UNC5D: variants seen among roughly 807,000 people sequenced by gnomAD.
The protein encoded by UNC5D is unc-5 netrin receptor D.
In UNC5D, 39 loss-of-function variants were observed where a neutral mutation model predicts 105.4. The ratio of observed to expected loss-of-function variants is 0.37; its 90% CI spans 0.29 to 0.48. The LOEUF (loss-of-function observed/expected upper bound fraction) is 0.48. UNC5D is among the 20% of genes least tolerant of loss of function. UNC5D has a pLI of 0.98. For missense variants in UNC5D, 991 were observed against 1,202.4 expected, an observed-to-expected ratio of 0.82 and a Z score of 2.60; for synonymous variants, 452 against 450.4, an observed-to-expected ratio of 1.00 and a Z score of -0.04.
intron 2 of UNC5D, among the ~76,000 whole-genome samples, chr8:35,557,977 C>T (rs1816672237): frequency 6.6e-6 from 1 of 151,868 alleles, no homozygotes; most frequent in South Asian, 2.1e-4. Flanking sequence ...ACCAAATATA[C>T]AAAAAGTAGC....
chr8:35,558,070 G>A (rs1462143482), intron 2 of UNC5D, among the ~76,000 whole-genome samples: 2 of 146,544 alleles, frequency 1.4e-5, no homozygotes, highest in East Asian at 2.1e-4. Context: ...AGGTTGCAGT[G>A]AGCCAAGATC....
chr8:35,431,304 A>T (rs748633816), intron 1 of UNC5D, among the ~76,000 whole-genome samples: 1 of 152,204 alleles, frequency 6.6e-6, no homozygotes, highest in Non-Finnish European at 1.5e-5. Flanking sequence ...ACTCATCTGA[A>T]CATCACCACC....
rs192298971 is a variant in UNC5D at position 35,240,370 on chromosome 8, A to C, written c.103+4483A>C. On this transcript the variant is annotated intron_variant, in intron 1 of 16. Coordinates refer to ENST00000404895, the MANE Select transcript of UNC5D (RefSeq NM_080872.4). ...AAATACATTTCTGCAACTTTGTTTG[A>C]ATATGAAATAATACTTACATGAAAT... Among the ~76,000 whole-genome samples, 4 of 152,338 alleles carry C rather than the reference A, an allele frequency of 2.6e-5. No homozygotes were observed. In the East Asian group the frequency reaches 7.7e-4, roughly 29 times the overall value.
At chr8:35,557,540 C>A (rs904543793) in intron 2 of UNC5D, among the ~76,000 whole-genome samples, 6 of 152,162 alleles carry the variant, frequency 3.9e-5, no homozygotes, top group African/African-American at 1.4e-4. Context: ...TAATTTACTA[C>A]TTTCAGTACT....
intron 1 of UNC5D, among the ~76,000 whole-genome samples, chr8:35,276,146 C>G (rs973960082): frequency 3.9e-5 from 6 of 152,050 alleles, no homozygotes; most frequent in African/African-American, 1.4e-4. Flanking sequence ...TTTTGAAATC[C>G]TCAGAATAAA....
chr8:35,579,245 C>T (rs950790168), intron 3 of UNC5D, among the ~76,000 whole-genome samples: 2 of 152,090 alleles, frequency 1.3e-5, no homozygotes, highest in African/African-American at 4.8e-5. Context: ...ATCCTTCCAC[C>T]AGCTAAGTAA....
chr8:35,513,828 G>C (rs1278188287), intron 1 of UNC5D, among the ~76,000 whole-genome samples: 1 of 152,154 alleles, frequency 6.6e-6, no homozygotes, highest in Non-Finnish European at 1.5e-5. Context: ...CCATTAAACA[G>C]GTTCTTTTAA....
At chr8:35,465,561 G>T (rs576784554) in intron 1 of UNC5D, among the ~76,000 whole-genome samples, 21 of 152,280 alleles carry the variant, frequency 1.4e-4, no homozygotes, top group Admixed American at 2.0e-4. Context: ...TTTCTTTTCA[G>T]TTGTATCCCT....
chr8:35,784,539 G>A lies in UNC5D; in HGVS notation c.2658-5820G>A, dbSNP rs755907368. Among the ~76,000 whole-genome samples, 26 of 152,156 alleles carry A rather than the reference G, an allele frequency of 1.7e-4. 1 individual carries two copies. Among genetic ancestry groups the A allele is most frequent in the Non-Finnish European group, 2.9e-4 (20 of 68,028 alleles). On this transcript the variant is annotated intron_variant, in intron 16 of 16. Transcript: ENST00000404895. ...AAAGGCGGCTGATTACTGGAGGCCAGGAGTTCGAGACCAGCCTGTGCAACA... is the reference window on the plus strand; with the variant it reads ...AAAGGCGGCTGATTACTGGAGGCCAAGAGTTCGAGACCAGCCTGTGCAACA...
chr8:35,726,645 A>G, intron 10 of UNC5D, 116 bp downstream of exon 10: 2 of 1,474,694 alleles, frequency 1.4e-6, no homozygotes, highest in Non-Finnish European at 1.8e-6. Context: ...CAGACCTGCA[A>G]ACACTGCGGC....
At chr8:35,701,734 T>G (rs73583049) in intron 7 of UNC5D, among the ~76,000 whole-genome samples, 7,606 of 151,948 alleles carry the variant, frequency 0.05, 380 homozygotes, top group Admixed American at 0.11. Context: ...TAAAAGACAA[T>G]TCCACATTTT....
intron 1 of UNC5D, among the ~76,000 whole-genome samples, chr8:35,502,925 T>C (rs996608302): frequency 5.9e-5 from 9 of 152,144 alleles, no homozygotes; most frequent in Non-Finnish European, 2.9e-5. Context: ...TCATTTTTCT[T>C]AATAGGCAAG....
intron 4 of UNC5D, among the ~76,000 whole-genome samples, chr8:35,607,496 T>C (rs952886389): frequency 2.0e-5 from 3 of 152,184 alleles, no homozygotes; most frequent in Non-Finnish European, 4.4e-5. Flanking sequence ...TTGGCTTGTA[T>C]ACTGATATGA....
At chr8:35,533,697 A>C (rs1258629876) in intron 1 of UNC5D, among the ~76,000 whole-genome samples, 1 of 152,142 alleles carries the variant, frequency 6.6e-6, no homozygotes, top group East Asian at 1.9e-4. Context: ...GCAATCAGCG[A>C]GATTCCGTGG....
intron 1 of UNC5D, among the ~76,000 whole-genome samples, chr8:35,411,548 G>A (rs554334546): frequency 6.6e-6 from 1 of 152,096 alleles, no homozygotes; most frequent in Admixed American, 6.6e-5. Context: ...AATTTTTCAT[G>A]AATTGAATGA....
chr8:35,305,526 C>T (rs188844932), intron 1 of UNC5D, among the ~76,000 whole-genome samples: 12 of 150,632 alleles, frequency 8.0e-5, no homozygotes, highest in African/African-American at 1.2e-4. Context: ...GACTTTTGGG[C>T]GAAATTCCTT....
chr8:35,381,578 T>C (rs1034920253), intron 1 of UNC5D, among the ~76,000 whole-genome samples: 1 of 152,226 alleles, frequency 6.6e-6, no homozygotes, highest in Non-Finnish European at 1.5e-5. Flanking sequence ...GAGTGAGTCA[T>C]TTAATTCAAG....
chr8:35,245,267 T>C (rs1774894483), intron 1 of UNC5D, among the ~76,000 whole-genome samples: 1 of 152,178 alleles, frequency 6.6e-6, no homozygotes, highest in South Asian at 2.1e-4. Flanking sequence ...AAGAAGTGTC[T>C]AGCCTGTTTT....
At chr8:35,390,392 C>G (rs953857376) in intron 1 of UNC5D, among the ~76,000 whole-genome samples, 1 of 152,050 alleles carries the variant, frequency 6.6e-6, no homozygotes, top group Admixed American at 6.5e-5. Flanking sequence ...TAGTTGTCAT[C>G]CTGATTATTG....
Sources: gnomAD v4.1 joint callset for allele counts (sites outside exome capture counted in the v4.1 genomes callset) on GRCh38, gnomAD v4.1.1 for gene constraint, MANE v1.5 for transcripts, NCBI Gene and HGNC (gene_info 2026-07-23, HGNC 2026-07-21) for gene names.